PRKCB: variants seen among roughly 807,000 people sequenced by gnomAD.
The protein encoded by PRKCB is protein kinase C beta, also known as protein kinase C beta type.
A neutral mutation model predicts 81.5 loss-of-function variants in PRKCB; 13 were observed. The ratio of observed to expected loss-of-function variants is 0.16; its 90% CI spans 0.10 to 0.25. PRKCB has a LOEUF of 0.25. PRKCB is among the 10% of genes least tolerant of loss of function. The probability of loss-of-function intolerance (pLI) is 1.00; values close to 1 mark genes in which losing one functional copy is unlikely to be tolerated. For synonymous variants in PRKCB, 335 were observed against 321.4 expected, an observed-to-expected ratio of 1.04 and a Z score of -0.45; for missense variants, 509 against 875.7, an observed-to-expected ratio of 0.58 and a Z score of 5.29.
intron 2 of PRKCB, among the ~76,000 whole-genome samples, chr16:23,971,146 G>A (rs1346880563): frequency 6.6e-6 from 1 of 152,184 alleles, no homozygotes; most frequent in Non-Finnish European, 1.5e-5. Context: ...TACTGTTTTA[G>A]TATTATTTTT....
chr16:24,046,655 A>G (rs1210012807), intron 5 of PRKCB, among the ~76,000 whole-genome samples: 1 of 152,016 alleles, frequency 6.6e-6, no homozygotes, highest in Non-Finnish European at 1.5e-5. Flanking sequence ...CTTGTGAGTG[A>G]CAGGAACTGA....
intron 3 of PRKCB, among the ~76,000 whole-genome samples, chr16:24,002,042 T>C (rs1400386880): frequency 2.6e-5 from 4 of 152,164 alleles, no homozygotes; most frequent in Non-Finnish European, 5.9e-5. Flanking sequence ...TTCTCATGAT[T>C]GTGTGGGTTA....
intron 2 of PRKCB, among the ~76,000 whole-genome samples, chr16:23,921,655 G>A (rs904758896): frequency 3.3e-5 from 5 of 152,214 alleles, no homozygotes; most frequent in African/African-American, 1.2e-4. Context: ...ACAAAAGTTA[G>A]CTGGGTGTGG....
At chr16:23,952,003 G>A (rs559535723) in intron 2 of PRKCB, among the ~76,000 whole-genome samples, 2 of 152,168 alleles carry the variant, frequency 1.3e-5, no homozygotes, top group Non-Finnish European at 2.9e-5. Flanking sequence ...GGCAGGGGCT[G>A]TACTTTATTC....
At chr16:24,204,819 G>C (rs901678884) in intron 16 of PRKCB, among the ~76,000 whole-genome samples, 2 of 152,090 alleles carry the variant, frequency 1.3e-5, no homozygotes, top group Admixed American at 6.6e-5. Context: ...GGATTCTTTT[G>C]TGTGTTTTAA....
intron 3 of PRKCB, among the ~76,000 whole-genome samples, chr16:24,024,933 G>A (rs888348739): frequency 2.0e-5 from 3 of 152,208 alleles, no homozygotes; most frequent in Admixed American, 2.0e-4. Flanking sequence ...GTAGCAGGAA[G>A]GAGGAGGGAA....
chr16:24,098,495 A>T (rs1443612914), intron 7 of PRKCB: 1 of 152,262 alleles, frequency 6.6e-6, no homozygotes, highest in Non-Finnish European at 1.5e-5. Context: ...CACACCTGTA[A>T]TCCCAACACT....
intron 2 of PRKCB, among the ~76,000 whole-genome samples, chr16:23,954,866 A>G (rs973617406): frequency 5.9e-5 from 9 of 152,186 alleles, no homozygotes; most frequent in African/African-American, 2.2e-4. Flanking sequence ...AGTCTGGACA[A>G]CACGATGAAA....
At chr16:24,036,335 C>G (rs1487725457) in intron 5 of PRKCB, among the ~76,000 whole-genome samples, 1 of 152,132 alleles carries the variant, frequency 6.6e-6, no homozygotes, top group Non-Finnish European at 1.5e-5. Context: ...TTGAGGAATA[C>G]TCAGCCATAA....
intron 5 of PRKCB, among the ~76,000 whole-genome samples, chr16:24,061,343 G>A (rs1965971303): frequency 6.6e-6 from 1 of 152,216 alleles, no homozygotes; most frequent in Non-Finnish European, 1.5e-5. Flanking sequence ...TTACAGGCAT[G>A]AGCCACCACA....
chr16:23,838,288 T>G (rs867558959), intron 2 of PRKCB, among the ~76,000 whole-genome samples: 1 of 152,228 alleles, frequency 6.6e-6, no homozygotes, highest in Non-Finnish European at 1.5e-5. Flanking sequence ...TGGTCTCACT[T>G]TCGCTTGAAA....
chr16:24,198,551 T>G (rs1045058592), intron 16 of PRKCB, among the ~76,000 whole-genome samples: 1 of 152,182 alleles, frequency 6.6e-6, no homozygotes, highest in Non-Finnish European at 1.5e-5. Context: ...TTGCCCAGGC[T>G]GGTGTCAAAA....
At chr16:23,906,113 G>C (rs1963557474) in intron 2 of PRKCB, among the ~76,000 whole-genome samples, 1 of 152,214 alleles carries the variant, frequency 6.6e-6, no homozygotes, top group South Asian at 2.1e-4. Context: ...GCTTTAAAAT[G>C]TGGATTGATG....
At chr16:24,009,123 C>T (rs1328401166) in intron 3 of PRKCB, among the ~76,000 whole-genome samples, 8 of 152,156 alleles carry the variant, frequency 5.3e-5, no homozygotes, top group Non-Finnish European at 8.8e-5. Flanking sequence ...ATTGCTTCCA[C>T]GTTTAGCTGT....
At chr16:23,883,653 G>A (rs570902746) in intron 2 of PRKCB, among the ~76,000 whole-genome samples, 2 of 152,286 alleles carry the variant, frequency 1.3e-5, no homozygotes, top group East Asian at 1.9e-4. Context: ...TTGTCTGCAC[G>A]GGCAGCAGTG....
intron 10 of PRKCB, among the ~76,000 whole-genome samples, chr16:24,158,732 C>T (rs904243397): frequency 6.6e-6 from 1 of 151,970 alleles, no homozygotes; most frequent in Non-Finnish European, 1.5e-5. Context: ...AATCATAGCT[C>T]ACTGCAGCCT....
intron 7 of PRKCB, among the ~76,000 whole-genome samples, chr16:24,102,895 T>C (rs1966526513): frequency 6.6e-6 from 1 of 152,206 alleles, no homozygotes; most frequent in Non-Finnish European, 1.5e-5. Flanking sequence ...TGAATAGCTT[T>C]TTTGTTTGTT....
chr16:24,124,591 T>C (rs1232606465), intron 9 of PRKCB, among the ~76,000 whole-genome samples: 2 of 152,202 alleles, frequency 1.3e-5, no homozygotes, highest in Non-Finnish European at 2.9e-5. Flanking sequence ...CTGGGACTCA[T>C]ACAGTGTTTC....
chr16:24,117,750 C>T (rs1966751314), intron 8 of PRKCB, among the ~76,000 whole-genome samples: 1 of 152,026 alleles, frequency 6.6e-6, no homozygotes. Context: ...AGGTGGGAAA[C>T]CAGGAAAGTA....
Sources: allele counts gnomAD v4.1 joint callset (sites outside exome capture counted in the v4.1 genomes callset), GRCh38; gene constraint gnomAD v4.1.1; transcripts MANE v1.5; gene names NCBI Gene and HGNC (gene_info 2026-07-23, HGNC 2026-07-21).